Variants in PSTPIP2 observed in about 807,000 individuals in gnomAD.
PSTPIP2 encodes the protein proline-serine-threonine phosphatase interacting protein 2.
A neutral mutation model predicts 63.3 loss-of-function variants in PSTPIP2; 33 were observed. The observed-to-expected ratio is 0.52, with a 90% confidence interval of 0.40 to 0.70. The LOEUF is 0.70. PSTPIP2 is among the 30% of genes least tolerant of loss of function. PSTPIP2 has a pLI of 0.00. For synonymous variants in PSTPIP2, 125 were observed against 132.7 expected, an observed-to-expected ratio of 0.94 and a Z score of 0.40; for missense variants, 312 against 400.7, an observed-to-expected ratio of 0.78 and a Z score of 1.89.
At chr18:46,014,419 G>T (rs2144085981) in intron 4 of PSTPIP2, among the ~76,000 whole-genome samples, 1 of 152,264 alleles carries the variant, frequency 6.6e-6, no homozygotes, top group South Asian at 2.1e-4. Flanking sequence ...GTTCTAAAAA[G>T]ACAGATCTCA....
chr18:45,993,623 T>A lies in PSTPIP2; in HGVS notation c.723A>T (p.Gln241His), dbSNP rs73953951. 4 of 1,613,930 alleles carry A rather than the reference T, an allele frequency of 2.5e-6. No homozygotes were observed. In the East Asian group the frequency reaches 8.9e-5, roughly 36 times the overall value. Residue 241 changes from glutamine (Q) to histidine (H), a missense_variant, in exon 10 of 15, where the codon CAA becomes CAT. Physicochemically the swap from Gln to His is conservative, Grantham distance 24 (BLOSUM62 0). Coordinates refer to ENST00000409746, the MANE Select transcript of PSTPIP2 (RefSeq NM_024430.4). ...LWLHVNQLSQ[Q>H]CVTSDEMYEQ... The stretch of plus-strand genomic sequence containing the variant: ...GACTTACTTCATCACTGGTGACACA[T>A]TGTTGTGACAGCTGATTCACATGTA...
chr18:46,071,365 T>C (rs2144143554), intron 1 of PSTPIP2, among the ~76,000 whole-genome samples: 1 of 152,220 alleles, frequency 6.6e-6, no homozygotes, highest in Admixed American at 6.5e-5. Context: ...GGCATGGACC[T>C]TGAGGGGCAC....
At chr18:45,998,646 T>A (rs2051629818) in intron 8 of PSTPIP2, 148 bp downstream of exon 8, 2 of 725,794 alleles carry the variant, frequency 2.8e-6, no homozygotes, top group Non-Finnish European at 4.3e-6. Context: ...CCTTCCTCCC[T>A]TTTTCCCTTC....
intron 3 of PSTPIP2, among the ~76,000 whole-genome samples, chr18:46,022,592 C>A (rs183890762): frequency 1.8e-4 from 28 of 152,174 alleles, no homozygotes; most frequent in African/African-American, 6.3e-4. Flanking sequence ...AAACATGAGA[C>A]CCCTTGTTTA....
intron 3 of PSTPIP2, among the ~76,000 whole-genome samples, chr18:46,021,426 T>C (rs1907344936): frequency 2.8e-5 from 2 of 71,450 alleles, no homozygotes; most frequent in Non-Finnish European, 9.8e-5. Context: ...TATATGTGTA[T>C]GTGTATATAT....
At chr18:46,031,814 G>T (rs984592384) in intron 2 of PSTPIP2, among the ~76,000 whole-genome samples, 6 of 152,042 alleles carry the variant, frequency 3.9e-5, no homozygotes, top group African/African-American at 1.4e-4. Context: ...ACATACCATA[G>T]GCCACATCTT....
At chr18:46,034,228 G>A (rs963395235) in intron 2 of PSTPIP2, among the ~76,000 whole-genome samples, 6 of 152,180 alleles carry the variant, frequency 3.9e-5, no homozygotes, top group Non-Finnish European at 8.8e-5. Flanking sequence ...TATAGGTATA[G>A]CTGCTAATCT....
chr18:46,028,205 G>A, intron 2 of PSTPIP2: 1 of 356,972 alleles, frequency 2.8e-6, no homozygotes, highest in Non-Finnish European at 5.6e-6. Flanking sequence ...TCACGCGAGC[G>A]CCTGCGTTTC....
intron 4 of PSTPIP2, among the ~76,000 whole-genome samples, chr18:46,014,198 T>C (rs1206331139): frequency 6.6e-6 from 1 of 152,042 alleles, no homozygotes; most frequent in African/African-American, 2.4e-5. Context: ...AACTTTTGTA[T>C]TTTAGTCGAG....
At chr18:46,043,850 T>C (rs553337491) in intron 1 of PSTPIP2, among the ~76,000 whole-genome samples, 1 of 151,948 alleles carries the variant, frequency 6.6e-6, no homozygotes, top group African/African-American at 2.4e-5. Flanking sequence ...TATATACCGG[T>C]GGAAAAAAAG....
intron 1 of PSTPIP2, among the ~76,000 whole-genome samples, chr18:46,058,892 TGGG>T (rs1908879162): frequency 6.6e-6 from 1 of 152,226 alleles, no homozygotes; most frequent in Non-Finnish European, 1.5e-5. Context: ...GGACACTGCC[TGGG>T]AGGCTGGTCC....
intron 3 of PSTPIP2, among the ~76,000 whole-genome samples, chr18:46,019,032 A>G (rs1171824824): frequency 6.6e-6 from 1 of 151,634 alleles, no homozygotes; most frequent in Non-Finnish European, 1.5e-5. Flanking sequence ...CCCTTTGCCC[A>G]TTATTTTAGT....
chr18:46,010,103 C>T (rs1177494912), intron 5 of PSTPIP2, among the ~76,000 whole-genome samples: 1 of 152,150 alleles, frequency 6.6e-6, no homozygotes, highest in Non-Finnish European at 1.5e-5. Context: ...AGGGGTAAAG[C>T]AGGAAGGCTC....
intron 1 of PSTPIP2, among the ~76,000 whole-genome samples, chr18:46,069,333 A>G (rs1909309311): frequency 6.6e-6 from 1 of 152,192 alleles, no homozygotes; most frequent in South Asian, 2.1e-4. Context: ...TATTCTGACA[A>G]GATACAATCA....
chr18:46,055,587 AGGGTTACAG>A (rs1291405454), intron 1 of PSTPIP2, among the ~76,000 whole-genome samples: 1 of 152,134 alleles, frequency 6.6e-6, no homozygotes, highest in East Asian at 1.9e-4. Flanking sequence ...CCAAAGTGCT[AGGGTTACAG>A]GCATGAGCCA....
chr18:45,993,128 T>C (rs575939697), intron 10 of PSTPIP2, among the ~76,000 whole-genome samples: 17 of 152,324 alleles, frequency 1.1e-4, no homozygotes, highest in African/African-American at 3.8e-4. Flanking sequence ...GGAGTCTCAC[T>C]GTGTCGCCGA....
intron 2 of PSTPIP2, among the ~76,000 whole-genome samples, chr18:46,039,603 C>A (rs1385721597): frequency 6.6e-6 from 1 of 152,002 alleles, no homozygotes; most frequent in South Asian, 2.1e-4. Flanking sequence ...TTCCTTTTTC[C>A]TTCCCTCTCC....
chr18:46,030,277 T>G (rs952951396), intron 2 of PSTPIP2, among the ~76,000 whole-genome samples: 2 of 152,054 alleles, frequency 1.3e-5, no homozygotes, highest in Non-Finnish European at 2.9e-5. Flanking sequence ...CCTGAATGTG[T>G]GATAATATAT....
At chr18:46,037,508 G>C (rs948471042) in intron 2 of PSTPIP2, among the ~76,000 whole-genome samples, 2 of 152,136 alleles carry the variant, frequency 1.3e-5, no homozygotes, top group Non-Finnish European at 2.9e-5. Flanking sequence ...GGATGTTTCA[G>C]TCATATTAGA....
Sources: gnomAD v4.1 joint callset for allele counts (sites outside exome capture counted in the v4.1 genomes callset) on GRCh38, gnomAD v4.1.1 for gene constraint, MANE v1.5 for transcripts, NCBI Gene and HGNC (gene_info 2026-07-23, HGNC 2026-07-21) for gene names.